QTGAL: variants seen among roughly 807,000 people sequenced by gnomAD.
QTGAL encodes the protein BGnT-like protein 1.
At chr17:82,955,283 T>C in the QTGAL span, among the ~76,000 whole-genome samples, 1 of 151,820 alleles carries the variant, frequency 6.6e-6, no homozygotes, top group African/African-American at 2.4e-5. Flanking sequence ...AGAAAAAACC[T>C]CATCAAAAAG....
chr17:82,945,904 A>G, the QTGAL span: 1 of 152,274 alleles, frequency 6.6e-6, no homozygotes, highest in Non-Finnish European at 1.5e-5. Flanking sequence ...AACTGTGACC[A>G]TAAAAACATA....
At chr17:83,036,682 C>G in the QTGAL span, among the ~76,000 whole-genome samples, 1 of 152,156 alleles carries the variant, frequency 6.6e-6, no homozygotes, top group Non-Finnish European at 1.5e-5. Context: ...CTGTTAAGAA[C>G]GTGAACCAGC....
the QTGAL span, among the ~76,000 whole-genome samples, chr17:83,021,871 C>T: frequency 1.4e-4 from 21 of 152,106 alleles, no homozygotes; most frequent in Non-Finnish European, 3.1e-4. Context: ...ATCAGTGGAA[C>T]AGAACAGAGC....
the QTGAL span, among the ~76,000 whole-genome samples, chr17:83,023,559 C>T: frequency 1.3e-5 from 2 of 152,230 alleles, no homozygotes; most frequent in Non-Finnish European, 2.9e-5. Flanking sequence ...GCTAGCAACA[C>T]CTGCATTTAA....
chr17:82,973,195 A>T, the QTGAL span, among the ~76,000 whole-genome samples: 5 of 151,984 alleles, frequency 3.3e-5, no homozygotes, highest in African/African-American at 9.7e-5. Flanking sequence ...AAAGGAGAAA[A>T]GGGCAAACCC....
chr17:83,037,967 C>T, the QTGAL span, among the ~76,000 whole-genome samples: 1 of 152,142 alleles, frequency 6.6e-6, no homozygotes, highest in Non-Finnish European at 1.5e-5. The surrounding 1 kb of genome is among the most constrained non-coding windows in gnomAD (Gnocchi z 5.2). Flanking sequence ...GAAAAACTCA[C>T]ACGGCGGCGA....
At chr17:82,957,726 AGAT>A in the QTGAL span, among the ~76,000 whole-genome samples, 1 of 152,194 alleles carries the variant, frequency 6.6e-6, no homozygotes, top group African/African-American at 2.4e-5. Flanking sequence ...AGGTGGGGAC[AGAT>A]GAGAAGCTGT....
the QTGAL span, among the ~76,000 whole-genome samples, chr17:83,025,648 AGAGTCCACACACGGACACCGCG>A: frequency 7.4e-6 from 1 of 134,856 alleles, no homozygotes; most frequent in Admixed American, 7.3e-5. Context: ...GACACCGCGG[AGAGTCCACACACGGACACCGCG>A]GAGAGTCCAC....
At chr17:82,963,293 G>A in the QTGAL span, among the ~76,000 whole-genome samples, 1 of 152,180 alleles carries the variant, frequency 6.6e-6, no homozygotes, top group Non-Finnish European at 1.5e-5. Context: ...CTTCCCCAGG[G>A]CTCGTCCCCA....
chr17:83,024,787 A>G, the QTGAL span, among the ~76,000 whole-genome samples: 2 of 152,252 alleles, frequency 1.3e-5, no homozygotes, highest in Non-Finnish European at 2.9e-5. Flanking sequence ...GGACAGGCAG[A>G]CGCTGTGATG....
the QTGAL span, among the ~76,000 whole-genome samples, chr17:83,013,860 G>C: frequency 3.3e-5 from 5 of 152,300 alleles, no homozygotes; most frequent in African/African-American, 1.2e-4. Flanking sequence ...CGAGATCTCT[G>C]AGGACACAGT....
At chr17:82,984,017 G>A in the QTGAL span, among the ~76,000 whole-genome samples, 1 of 137,578 alleles carries the variant, frequency 7.3e-6, no homozygotes, top group South Asian at 2.4e-4. Context: ...GTGAGGACGT[G>A]GGGGAGGGGA....
chr17:82,966,696 C>T, the QTGAL span, among the ~76,000 whole-genome samples: 86 of 152,246 alleles, frequency 5.6e-4, 1 homozygote, highest in Middle Eastern at 0.01. Context: ...AGCCTCAGAC[C>T]GGACCTCAGT....
At chr17:82,956,166 T>A in the QTGAL span, among the ~76,000 whole-genome samples, 4 of 145,476 alleles carry the variant, frequency 2.7e-5, no homozygotes, top group Admixed American at 2.1e-4. This position sits in a 1 kb window ranked among gnomAD's most constrained non-coding sequence, Gnocchi z 5.7. Flanking sequence ...AAAGTAAAAT[T>A]AAAAAAAAAA....
At chr17:82,968,458 C>A in the QTGAL span, among the ~76,000 whole-genome samples, 31,569 of 70,008 alleles carry the variant, frequency 0.45, 6,477 homozygotes, top group Non-Finnish European at 0.52. Context: ...GGAGGCCAGT[C>A]ACCAGTGTGC....
the QTGAL span, among the ~76,000 whole-genome samples, chr17:83,034,684 C>T: frequency 0.032 from 4,941 of 152,282 alleles, 281 homozygotes; most frequent in African/African-American, 0.11. Context: ...ATCACGGGGG[C>T]GGGCATTTCT....
At chr17:83,024,975 A>C in the QTGAL span, among the ~76,000 whole-genome samples, 1 of 152,234 alleles carries the variant, frequency 6.6e-6, no homozygotes, top group African/African-American at 2.4e-5. Context: ...CAGGAGCAAG[A>C]CGTCCCCCAA....
At chr17:82,973,955 C>T in the QTGAL span, among the ~76,000 whole-genome samples, 5 of 152,128 alleles carry the variant, frequency 3.3e-5, no homozygotes, top group African/African-American at 7.2e-5. Context: ...GTTCCCACCC[C>T]GCCTGCCACT....
chr17:82,942,827 G>A, the QTGAL span: 5 of 371,896 alleles, frequency 1.3e-5, no homozygotes, highest in South Asian at 1.7e-4. Flanking sequence ...CCCCCTTCTT[G>A]CCTGGTGCTG....
Sources: allele counts gnomAD v4.1 joint callset (sites outside exome capture counted in the v4.1 genomes callset), GRCh38; gene constraint gnomAD v4.1.1; non-coding constraint Gnocchi (gnomAD v3.1); transcripts MANE v1.5; gene names NCBI Gene and HGNC (gene_info 2026-07-23, HGNC 2026-07-21).